The following CACNA2D3 variants were observed in gnomAD, a reference collection of about 807,000 sequenced individuals.
CACNA2D3 encodes the protein voltage-dependent calcium channel subunit alpha-2/delta-3.
In CACNA2D3, 60 loss-of-function variants were observed where a neutral mutation model predicts 160.6. The ratio of observed to expected loss-of-function variants is 0.37; its 90% CI spans 0.30 to 0.46. The LOEUF (loss-of-function observed/expected upper bound fraction) is 0.46. Ranked by LOEUF, CACNA2D3 falls within the 20% of genes least tolerant of loss-of-function variation. The pLI is 1.00. For synonymous variants in CACNA2D3, 558 were observed against 492.9 expected, an observed-to-expected ratio of 1.13 and a Z score of -1.75; for missense variants, 1,205 against 1,365.0, an observed-to-expected ratio of 0.88 and a Z score of 1.85.
intron 13 of CACNA2D3, among the ~76,000 whole-genome samples, chr3:54,774,629 ATTTTTTT>A (rs111655457): frequency 0.08 from 8,678 of 107,862 alleles, 304 homozygotes; most frequent in South Asian, 0.15. Context: ...CTCTTTGACT[ATTTTTTT>A]TTTTTTTTTT....
intron 14 of CACNA2D3, among the ~76,000 whole-genome samples, chr3:54,830,395 C>T (rs532583983): frequency 1.2e-4 from 18 of 152,032 alleles, no homozygotes; most frequent in Middle Eastern, 3.4e-3. Context: ...TGATAACCGC[C>T]GGTCTTTGCT....
chr3:54,343,566 G>A (rs562058145), intron 3 of CACNA2D3, among the ~76,000 whole-genome samples: 7 of 152,292 alleles, frequency 4.6e-5, no homozygotes, highest in African/African-American at 1.4e-4. Flanking sequence ...CTACAGGCAT[G>A]CACCACCACA....
chr3:54,990,599 G>A (rs1702717580), intron 31 of CACNA2D3, among the ~76,000 whole-genome samples: 1 of 152,166 alleles, frequency 6.6e-6, no homozygotes, highest in Admixed American at 6.5e-5. Flanking sequence ...ATCTTCTCCA[G>A]AAAGACAGAG....
intron 2 of CACNA2D3, among the ~76,000 whole-genome samples, chr3:54,205,825 T>C (rs1260581296): frequency 6.6e-6 from 1 of 152,154 alleles, no homozygotes; most frequent in Non-Finnish European, 1.5e-5. Flanking sequence ...TATTAAACAG[T>C]CAATGTAGTT....
chr3:54,208,117 C>A (rs1701304814), intron 2 of CACNA2D3, among the ~76,000 whole-genome samples: 1 of 152,104 alleles, frequency 6.6e-6, no homozygotes, highest in African/African-American at 2.4e-5. Flanking sequence ...AACTGCCTTT[C>A]TTTTTGAGAT....
intron 13 of CACNA2D3, among the ~76,000 whole-genome samples, chr3:54,799,657 C>A (rs148871757): frequency 1.3e-5 from 2 of 152,176 alleles, no homozygotes; most frequent in Admixed American, 6.5e-5. Flanking sequence ...AATATGAAGA[C>A]CCTTTCATCT....
chr3:54,383,261 A>G (rs777593262), intron 3 of CACNA2D3, among the ~76,000 whole-genome samples: 7 of 152,244 alleles, frequency 4.6e-5, no homozygotes, highest in East Asian at 3.9e-4. Flanking sequence ...CAAGACACAT[A>G]TTTCTTGATG....
chr3:54,887,948 C>G lies in CACNA2D3; in HGVS notation c.2057-11C>G, dbSNP rs769211851. On this transcript the variant is annotated splice_polypyrimidine_tract_variant and intron_variant, in intron 23 of 37. Coordinates refer to ENST00000474759, the MANE Select transcript of CACNA2D3 (RefSeq NM_018398.3). ...CTGCTGAAGCATCCTCTTGTCTGTC[C>G]CTCCCAACAGGTGATAAAGAATTGA... is the stretch of plus-strand genomic sequence containing the variant. The G allele has an allele frequency of 6.2e-7, 1 of 1,609,830 alleles. No homozygotes were observed. Among genetic ancestry groups the G allele is most frequent in the African/African-American group, 1.3e-5 (1 of 74,816 alleles).
intron 2 of CACNA2D3, among the ~76,000 whole-genome samples, chr3:54,170,274 A>G (rs558245962): frequency 7.8e-4 from 118 of 151,972 alleles, no homozygotes; most frequent in Admixed American, 1.5e-3. Flanking sequence ...GGTTCTGCCA[A>G]GAGACCCAGA....
chr3:54,610,249 A>T (rs911456126), intron 9 of CACNA2D3, among the ~76,000 whole-genome samples: 1 of 152,202 alleles, frequency 6.6e-6, no homozygotes, highest in Non-Finnish European at 1.5e-5. Flanking sequence ...GGACTTCAAC[A>T]TGTCTTTTTG....
At chr3:55,037,511 A>C (rs1181902194) in intron 35 of CACNA2D3, among the ~76,000 whole-genome samples, 1 of 152,162 alleles carries the variant, frequency 6.6e-6, no homozygotes, top group African/African-American at 2.4e-5. Context: ...AAAGCAGATA[A>C]TACCTCCCTG....
intron 2 of CACNA2D3, among the ~76,000 whole-genome samples, chr3:54,171,634 A>T (rs1700573255): frequency 6.6e-6 from 1 of 152,212 alleles, no homozygotes; most frequent in Non-Finnish European, 1.5e-5. Context: ...TTAAAGGTTT[A>T]AACTGTTCAA....
chr3:55,062,068 C>A (rs184581436), intron 35 of CACNA2D3, among the ~76,000 whole-genome samples: 157 of 152,230 alleles, frequency 1.0e-3, no homozygotes, highest in African/African-American at 3.3e-3. Flanking sequence ...TCTATGAAAC[C>A]CATTTGCCAA....
intron 4 of CACNA2D3, among the ~76,000 whole-genome samples, chr3:54,480,059 C>T (rs188635018): frequency 8.0e-4 from 122 of 152,090 alleles, no homozygotes; most frequent in African/African-American, 2.2e-3. Flanking sequence ...TCACACAAGT[C>T]GAATCTGTAA....
chr3:54,378,172 C>G (rs1490754970), intron 3 of CACNA2D3, among the ~76,000 whole-genome samples: 2 of 152,128 alleles, frequency 1.3e-5, no homozygotes, highest in African/African-American at 4.8e-5. Flanking sequence ...GGTCCCCAAC[C>G]TTTTTGGCAT....
intron 11 of CACNA2D3, among the ~76,000 whole-genome samples, chr3:54,733,615 A>T (rs2107019061): frequency 6.6e-6 from 1 of 152,348 alleles, no homozygotes; most frequent in East Asian, 1.9e-4. Flanking sequence ...GAGAGAAATC[A>T]GGTAACAGTT....
At chr3:54,453,830 G>T (rs1700351401) in intron 4 of CACNA2D3, among the ~76,000 whole-genome samples, 1 of 152,168 alleles carries the variant, frequency 6.6e-6, no homozygotes, top group African/African-American at 2.4e-5. Flanking sequence ...CCCATTATTA[G>T]TTCGAGCTGT....
In CACNA2D3 at chr3:54,808,483, G is replaced by A. The variant is rs182816539; in HGVS notation, c.1381-8370G>A. Reference sequence around the variant, plus strand: ...AAGCTAGCAGGGGAAAAGTGGGAGAGGGGTGTAAATGAAAAGTCTCGATTA... The same window carrying A: ...AAGCTAGCAGGGGAAAAGTGGGAGAAGGGTGTAAATGAAAAGTCTCGATTA... On this transcript the variant is annotated intron_variant, in intron 13 of 37. Coordinates refer to ENST00000474759, the MANE Select transcript of CACNA2D3 (RefSeq NM_018398.3). Among the ~76,000 whole-genome samples, 431 of 152,198 alleles carry A rather than the reference G, an allele frequency of 2.8e-3. 1 individual carries two copies. Among genetic ancestry groups the A allele is most frequent in the Admixed American group, 5.3e-3 (81 of 15,284 alleles).
chr3:54,778,748 A>G (rs568416781), intron 13 of CACNA2D3, among the ~76,000 whole-genome samples: 3 of 152,334 alleles, frequency 2.0e-5, no homozygotes, highest in Non-Finnish European at 4.4e-5. Context: ...TCAGAGATCC[A>G]AAGGTTGGAG....
Sources: gnomAD v4.1 joint callset for allele counts (sites outside exome capture counted in the v4.1 genomes callset) on GRCh38, gnomAD v4.1.1 for gene constraint, MANE v1.5 for transcripts, NCBI Gene and HGNC (gene_info 2026-07-23, HGNC 2026-07-21) for gene names.